The following VASH2 variants were observed in gnomAD, a reference collection of about 807,000 sequenced individuals.
The protein encoded by VASH2 is tubulinyl-Tyr carboxypeptidase 2.
VASH2 carries 28 observed loss-of-function variants against 37.2 expected under a neutral mutation model. The observed-to-expected ratio is 0.75, with a 90% CI of 0.56 to 1.03. VASH2 has a LOEUF of 1.03. Among genes scored for constraint, VASH2 ranks in the 50% least tolerant of loss-of-function variants. The probability of loss-of-function intolerance (pLI) is 0.00; values close to 1 mark genes in which losing one functional copy is unlikely to be tolerated. For missense variants in VASH2, 419 were observed against 459.1 expected, an observed-to-expected ratio of 0.91 and a Z score of 0.80; for synonymous variants, 188 against 174.7, an observed-to-expected ratio of 1.08 and a Z score of -0.60.
intron 5 of VASH2, among the ~76,000 whole-genome samples, chr1:212,970,407 A>T (rs544256364): frequency 2.8e-4 from 42 of 152,276 alleles, no homozygotes; most frequent in Admixed American, 1.0e-3. Flanking sequence ...TGTAAGATGA[A>T]TTCCAGTGTT....
At chr1:212,976,622 A>G (rs1667181415) in intron 7 of VASH2, among the ~76,000 whole-genome samples, 1 of 151,912 alleles carries the variant, frequency 6.6e-6, no homozygotes, top group African/African-American at 2.4e-5. Flanking sequence ...AAAAAGAGCC[A>G]GAACAGAAGA....
chr1:212,974,016 C>A lies in VASH2; in HGVS notation c.941C>A (p.Ser314Tyr). Residue 314 changes from serine to tyrosine, a missense_variant, in exon 7 of 8, where the codon TCC (serine) becomes TAC (tyrosine). This residue lies in a region of VASH2 where 177 missense variants were observed against 166.2 expected (regional missense o/e 1.06). Transcript: ENST00000517399. Reference protein sequence around the residue: ...TQVRSRGKSLSPRRRQASPPR... With the variant: ...TQVRSRGKSLYPRRRQASPPR... ...GTGAGAAGCCGGGGAAAATCCCTGT[C>A]CCCCAGAAGGAGACAGGCAAGCCCC... The A allele has an allele frequency of 1.2e-6, 2 of 1,613,916 alleles. No individual in the cohort carries two copies. The highest frequency in any genetic ancestry group is 1.7e-6 in the Non-Finnish European group (2 of 1,179,932).
At chr1:212,986,137 G>T (rs1667469827) in intron 7 of VASH2, among the ~76,000 whole-genome samples, 1 of 152,118 alleles carries the variant, frequency 6.6e-6, no homozygotes, top group Non-Finnish European at 1.5e-5. Flanking sequence ...AACCAGGAAA[G>T]GTAGTATGGA....
At chr1:212,956,316 T>G (rs1419573895) in intron 2 of VASH2, among the ~76,000 whole-genome samples, 2 of 151,916 alleles carry the variant, frequency 1.3e-5, no homozygotes, top group Non-Finnish European at 2.9e-5. Flanking sequence ...TCCACTCCAC[T>G]CCCTCCTCCT....
chr1:212,985,167 G>A (rs1017061466), intron 7 of VASH2, among the ~76,000 whole-genome samples: 7 of 147,696 alleles, frequency 4.7e-5, no homozygotes, highest in Admixed American at 2.0e-4. Context: ...GACTACAGGC[G>A]CATGTCACCA....
chr1:212,965,732 A>G lies in VASH2; in HGVS notation c.376A>G (p.Thr126Ala). 1 of 1,552,118 alleles carries G rather than the reference A, an allele frequency of 6.4e-7. No individual in the cohort carries two copies. Among genetic ancestry groups the G allele is most frequent in the Non-Finnish European group, 8.7e-7 (1 of 1,146,936 alleles). Reference sequence around the variant, plus strand: ...ACATACTTTACACAGATATAATCACACAGGGACCCAGTTCTTTGAAATTAG... The same window carrying G: ...ACATACTTTACACAGATATAATCACGCAGGGACCCAGTTCTTTGAAATTAG... ...NYMKTLQYNHTGTQFFEIRKM... is the reference protein window; with the variant it reads ...NYMKTLQYNHAGTQFFEIRKM... The change falls in exon 4 of 8, where the codon ACA (threonine) becomes GCA (alanine). Residue 126 changes from threonine (T) to alanine (A), a missense_variant. Thr to Ala is a moderately conservative substitution (Grantham distance 58). Coordinates refer to ENST00000517399, the MANE Select transcript of VASH2 (RefSeq NM_001301056.2).
At position 212,989,886 on chromosome 1, in the gene VASH2, A is replaced by G. The variant is rs2075840317; in HGVS notation, c.*1302A>G. The G allele has an allele frequency of 6.6e-6, 1 of 152,198 alleles. No homozygotes were observed. Among genetic ancestry groups the G allele is most frequent in the Non-Finnish European group, 1.5e-5 (1 of 68,042 alleles). The allele number at this position is 152,198 out of a possible 1,614,324, so 9.4% of individuals were successfully genotyped here. Reference sequence around the variant, plus strand: ...GACAACCCTAACAGCCTAGTCTTGTATGGTGTAAATATCAAGAGTACAGCT... The same window carrying G: ...GACAACCCTAACAGCCTAGTCTTGTGTGGTGTAAATATCAAGAGTACAGCT... On this transcript the variant is annotated 3_prime_UTR_variant, in exon 8 of 8. Transcript: ENST00000517399.
intron 7 of VASH2, among the ~76,000 whole-genome samples, chr1:212,986,463 A>C (rs565625092): frequency 6.6e-6 from 1 of 152,336 alleles, no homozygotes; most frequent in East Asian, 1.9e-4. Flanking sequence ...AACCAGATGC[A>C]TGTGGACTCT....
At chr1:212,968,119 T>G in intron 5 of VASH2, 5 of 780,024 alleles carry the variant, frequency 6.4e-6, no homozygotes, top group Non-Finnish European at 7.8e-6. Context: ...TTTGGACATG[T>G]GAAATTTGAG....
chr1:212,963,241 C>A (rs764485731), intron 3 of VASH2, among the ~76,000 whole-genome samples: 40 of 152,152 alleles, frequency 2.6e-4, no homozygotes, highest in Non-Finnish European at 5.6e-4. Flanking sequence ...ATTATGACTG[C>A]GAAGGTCAAT....
intron 2 of VASH2, among the ~76,000 whole-genome samples, chr1:212,957,314 C>T (rs151299055): frequency 1.2e-3 from 180 of 152,314 alleles, no homozygotes; most frequent in African/African-American, 4.1e-3. Flanking sequence ...GTTGCTTCCA[C>T]CTTTGGGGGC....
intron 7 of VASH2, among the ~76,000 whole-genome samples, chr1:212,985,907 A>C (rs539038013): frequency 6.6e-6 from 1 of 152,336 alleles, no homozygotes; most frequent in South Asian, 2.1e-4. Flanking sequence ...GCGTGGGTAC[A>C]GGGAGGCTGG....
chr1:212,987,449 C>T (rs1667514267), intron 7 of VASH2, among the ~76,000 whole-genome samples: 2 of 152,070 alleles, frequency 1.3e-5, no homozygotes, highest in Non-Finnish European at 2.9e-5. Context: ...TGGCACATGC[C>T]TGTAATCCCA....
intron 7 of VASH2, among the ~76,000 whole-genome samples, chr1:212,980,863 G>T (rs546664789): frequency 6.6e-6 from 1 of 152,332 alleles, no homozygotes; most frequent in Admixed American, 6.5e-5. Context: ...AAGCTAAACC[G>T]CCAAGATGGT....
chr1:212,957,697 G>A lies in VASH2; in HGVS notation c.277-3469G>A, dbSNP rs570473278. The stretch of plus-strand genomic sequence containing the variant: ...CAGTGGCTCAATCACTGCAACCTCC[G>A]CCTCTCAGGTTTAAGCAATTCTCCT... On this transcript the variant is annotated intron_variant, in intron 2 of 7. Coordinates refer to ENST00000517399, the MANE Select transcript of VASH2 (RefSeq NM_001301056.2). 1.6e-4 allele frequency among the ~76,000 whole-genome samples: 23 copies of A among 146,174 alleles called. No individual in the cohort carries two copies. In the South Asian group the frequency reaches 3.2e-3, roughly 20 times the overall value.
intron 3 of VASH2, among the ~76,000 whole-genome samples, chr1:212,963,261 C>A (rs564999887): frequency 6.6e-5 from 10 of 152,328 alleles, no homozygotes; most frequent in African/African-American, 2.4e-4. Flanking sequence ...TGACCAACAG[C>A]ATCACTGACT....
chr1:212,956,919 G>A (rs1666514833), intron 2 of VASH2, among the ~76,000 whole-genome samples: 1 of 152,116 alleles, frequency 6.6e-6, no homozygotes, highest in African/African-American at 2.4e-5. Context: ...ACAACTCTGT[G>A]GCATTGAGTA....
Position 212,951,898 on chromosome 1 carries a change from A to G in VASH2, c.276+80A>G. 6.9e-7 allele frequency: 1 copy of G among 1,452,218 alleles called. No individual in the cohort carries two copies. Among genetic ancestry groups the G allele is most frequent in the Non-Finnish European group, 9.2e-7 (1 of 1,083,346 alleles). The allele number at this position is 1,452,218 out of a possible 1,614,324, so 90.0% of individuals were successfully genotyped here. On this transcript the variant is annotated intron_variant, in intron 2 of 7. Coordinates refer to ENST00000517399, the MANE Select transcript of VASH2 (RefSeq NM_001301056.2). The surrounding 1 kb of genome is among the most constrained non-coding windows in gnomAD (Gnocchi z 4.4). ...GACCGTTTCAGCCTATACATAGCAA[A>G]CACAGGCAATCTCCATTTTCCTAGT...
chr1:212,953,230 C>G (rs866656045), intron 2 of VASH2, among the ~76,000 whole-genome samples: 7 of 125,786 alleles, frequency 5.6e-5, no homozygotes, highest in Admixed American at 1.5e-4. Flanking sequence ...TGCGGGTGCG[C>G]GGGGGGGGGT....
Sources: gnomAD v4.1 joint callset for allele counts (sites outside exome capture counted in the v4.1 genomes callset) on GRCh38, gnomAD v4.1.1 for gene constraint, gnomAD v4.1.1 regional missense constraint, Gnocchi (gnomAD v3.1) non-coding constraint, MANE v1.5 for transcripts, NCBI Gene and HGNC (gene_info 2026-07-23, HGNC 2026-07-21) for gene names.